Variants in ROBO2 observed in about 807,000 individuals in gnomAD.
ROBO2 encodes roundabout guidance receptor 2.
Under a neutral mutation model 160.8 loss-of-function variants are expected in ROBO2, and 53 were observed. The ratio of observed to expected loss-of-function variants is 0.33; its 90% CI spans 0.26 to 0.41. The LOEUF (loss-of-function observed/expected upper bound fraction) is 0.41. Ranked by LOEUF, ROBO2 falls within the 10% of genes least tolerant of loss-of-function variation. The probability of loss-of-function intolerance (pLI) is 1.00; values close to 1 mark genes in which losing one functional copy is unlikely to be tolerated. For missense variants in ROBO2, 1,577 were observed against 1,722.4 expected (o/e 0.92, Z 1.49); for synonymous variants, 664 against 611.7 (o/e 1.09, Z -1.26).
chr3:76,396,877 T>C (rs1261134860), intron 2 of ROBO2, among the ~76,000 whole-genome samples: 2 of 152,140 alleles, frequency 1.3e-5, no homozygotes, highest in East Asian at 1.9e-4. Context: ...AGAATCAATA[T>C]TGTGGAAATG....
chr3:77,370,563 T>G (rs775609792), intron 2 of ROBO2, among the ~76,000 whole-genome samples: 7 of 152,208 alleles, frequency 4.6e-5, no homozygotes, highest in African/African-American at 7.2e-5. Context: ...TGATTCCAAT[T>G]TAGATCCTGT....
intron 2 of ROBO2, among the ~76,000 whole-genome samples, chr3:77,457,004 C>G (rs1052858474): frequency 2.6e-5 from 4 of 152,146 alleles, no homozygotes; most frequent in Admixed American, 1.3e-4. Flanking sequence ...TCAGATAAAC[C>G]TTGCTATTTG....
intron 2 of ROBO2, among the ~76,000 whole-genome samples, chr3:77,380,473 T>C (rs764897895): frequency 7.2e-5 from 11 of 152,122 alleles, no homozygotes; most frequent in Non-Finnish European, 1.5e-4. Context: ...TTTTTGAAAT[T>C]ATGCAAAGAG....
intron 2 of ROBO2, among the ~76,000 whole-genome samples, chr3:77,194,782 A>G (rs2082166945): frequency 6.6e-6 from 1 of 152,232 alleles, no homozygotes; most frequent in South Asian, 2.1e-4. Context: ...TAGAAAATAT[A>G]AAATTGCATT....
At chr3:76,207,402 G>C (rs1041965113) in intron 2 of ROBO2, among the ~76,000 whole-genome samples, 2 of 151,842 alleles carry the variant, frequency 1.3e-5, no homozygotes, top group Non-Finnish European at 2.9e-5. Context: ...GTTACATGTG[G>C]GCTATAAATT....
intron 2 of ROBO2, among the ~76,000 whole-genome samples, chr3:75,983,482 A>G (rs1341372374): frequency 6.6e-6 from 1 of 151,458 alleles, no homozygotes; most frequent in Non-Finnish European, 1.5e-5. Flanking sequence ...TAAGGTAAAG[A>G]TAGTAACAGA....
chr3:76,981,660 A>G (rs1244690466), intron 2 of ROBO2, among the ~76,000 whole-genome samples: 1 of 152,162 alleles, frequency 6.6e-6, no homozygotes, highest in African/African-American at 2.4e-5. Context: ...GCTATAAAGA[A>G]ATACCTAAGA....
chr3:77,371,007 G>T (rs2153476681), intron 2 of ROBO2, among the ~76,000 whole-genome samples: 1 of 152,292 alleles, frequency 6.6e-6, no homozygotes, highest in Non-Finnish European at 1.5e-5. Context: ...AAGTTGTGTT[G>T]TGGAAGTGCA....
At chr3:76,399,007 T>A (rs2077653306) in intron 2 of ROBO2, among the ~76,000 whole-genome samples, 2 of 151,832 alleles carry the variant, frequency 1.3e-5, no homozygotes, top group African/African-American at 4.8e-5. Context: ...TTGACATGGT[T>A]TTGAACATAC....
intron 2 of ROBO2, among the ~76,000 whole-genome samples, chr3:76,763,391 A>G (rs2061409178): frequency 6.6e-6 from 1 of 151,754 alleles, no homozygotes; most frequent in Non-Finnish European, 1.5e-5. Context: ...ACCATGTGCC[A>G]GCCAATGTCT....
At chr3:77,002,145 TGA>T (rs2061364161) in intron 2 of ROBO2, among the ~76,000 whole-genome samples, 1 of 152,122 alleles carries the variant, frequency 6.6e-6, no homozygotes, top group Admixed American at 6.6e-5. Flanking sequence ...ACTAAATTTA[TGA>T]GTGTTCAAAT....
intron 2 of ROBO2, among the ~76,000 whole-genome samples, chr3:76,577,688 T>C (rs2085393890): frequency 6.6e-6 from 1 of 152,120 alleles, no homozygotes; most frequent in Admixed American, 6.5e-5. Context: ...ACATCTGAAT[T>C]GAGGATTTCG....
At chr3:77,219,826 G>A (rs1455946518) in intron 2 of ROBO2, among the ~76,000 whole-genome samples, 1 of 151,402 alleles carries the variant, frequency 6.6e-6, no homozygotes, top group African/African-American at 2.4e-5. Flanking sequence ...TAGAAAATTT[G>A]TAGATCTTTG....
chr3:77,553,978 A>C (rs1282811772), intron 8 of ROBO2, among the ~76,000 whole-genome samples: 1 of 152,052 alleles, frequency 6.6e-6, no homozygotes, highest in Non-Finnish European at 1.5e-5. Flanking sequence ...ATATATTGAA[A>C]GAAGATGTTA....
chr3:77,213,981 G>A (rs1330274170), intron 2 of ROBO2, among the ~76,000 whole-genome samples: 1 of 152,090 alleles, frequency 6.6e-6, no homozygotes, highest in Non-Finnish European at 1.5e-5. Flanking sequence ...CATTTGCTGA[G>A]GAGTGCTTTA....
chr3:76,213,312 A>T (rs1291211037), intron 2 of ROBO2, among the ~76,000 whole-genome samples: 2 of 152,150 alleles, frequency 1.3e-5, no homozygotes, highest in African/African-American at 4.8e-5. Flanking sequence ...ATTTTAGAAG[A>T]AGTTATCTAA....
chr3:76,359,776 C>T (rs1029240463), intron 2 of ROBO2, among the ~76,000 whole-genome samples: 5 of 151,310 alleles, frequency 3.3e-5, no homozygotes, highest in African/African-American at 1.2e-4. Flanking sequence ...CTATCTCTTT[C>T]CTTTACTTCC....
At chr3:76,643,618 GTTA>G (rs1366047778) in intron 2 of ROBO2, among the ~76,000 whole-genome samples, 1 of 151,934 alleles carries the variant, frequency 6.6e-6, no homozygotes, top group Non-Finnish European at 1.5e-5. Flanking sequence ...GTATGTTTGT[GTTA>G]TTATTTTGTG....
chr3:76,198,235 C>T (rs894113449), intron 2 of ROBO2, among the ~76,000 whole-genome samples: 1 of 123,232 alleles, frequency 8.1e-6, no homozygotes, highest in Non-Finnish European at 1.7e-5. Context: ...AAGGGAGATC[C>T]GACATACCTC....
Sources: gnomAD v4.1 joint callset for allele counts (sites outside exome capture counted in the v4.1 genomes callset) on GRCh38, gnomAD v4.1.1 for gene constraint, MANE v1.5 for transcripts, NCBI Gene and HGNC (gene_info 2026-07-23, HGNC 2026-07-21) for gene names.